The following ZNF773 variants were observed in gnomAD, a reference collection of about 807,000 sequenced individuals.
ZNF773 encodes the protein zinc finger protein 419B.
ZNF773 carries 11 observed loss-of-function variants against 12.8 expected under a neutral mutation model. That is an observed-to-expected ratio of 0.86 (90% CI 0.54 to 1.42). The LOEUF is 1.42. Ranked by LOEUF, ZNF773 falls within the 40% of genes most tolerant of loss-of-function variation. ZNF773 has a pLI of 0.00. For synonymous variants in ZNF773, 175 were observed against 178.4 expected (o/e 0.98, Z 0.15); for missense variants, 518 against 527.2 (o/e 0.98, Z 0.17).
chr19:57,511,376 T>A (rs1370845683), downstream of ZNF773, among the ~76,000 whole-genome samples: 1 of 152,110 alleles, frequency 6.6e-6, no homozygotes, highest in Non-Finnish European at 1.5e-5. Context: ...AAGAATAAAT[T>A]TGAAAACCTT....
intron 3 of ZNF773, among the ~76,000 whole-genome samples, chr19:57,505,771 C>T (rs2089724295): frequency 1.4e-5 from 2 of 141,804 alleles, no homozygotes; most frequent in Non-Finnish European, 3.0e-5. Context: ...AGGGCAGTGG[C>T]GTGATCTCGG....
At chr19:57,512,993 C>T, downstream of ZNF773, 1 of 1,530,616 alleles carries the variant, frequency 6.5e-7, no homozygotes, top group Non-Finnish European at 8.8e-7. Context: ...TTTTTGTCTT[C>T]ATTTCTGCAT....
At chr19:57,513,281 G>C (rs1434085500), downstream of ZNF773, 4 of 408,876 alleles carry the variant, frequency 9.8e-6, no homozygotes, top group Non-Finnish European at 1.6e-5. Context: ...CTGGTGCTCA[G>C]GTTAGTTCTC....
Position 57,505,386 on chromosome 19 carries a change from C to T in ZNF773, c.248C>T (p.Ser83Leu). The T allele has an allele frequency of 1.2e-6, 2 of 1,614,048 alleles. No homozygotes were observed. Among genetic ancestry groups the T allele is most frequent in the South Asian group, 2.2e-5 (2 of 91,080 alleles). Reference sequence around the variant, plus strand: ...ATGCCTGCTTGGGAAGTTGTGACTTCAGCCATACTGAGAGGTACTTGGTGG... The same window carrying T: ...ATGCCTGCTTGGGAAGTTGTGACTTTAGCCATACTGAGAGGTACTTGGTGG... ...PFMPAWEVVT[S>L]AILRGSWQGA... Residue 83 changes from serine to leucine, a missense_variant, in exon 3 of 4, where the codon TCA becomes TTA. Transcript: ENST00000282292.
In ZNF773 at chr19:57,506,810, A is replaced by G. The variant is rs770753728; in HGVS notation, c.715A>G (p.Ile239Val). The change falls in exon 4 of 4, where the codon ATA becomes GTA. Residue 239 changes from isoleucine to valine, a missense_variant. Ile to Val is a conservative substitution (Grantham distance 29). Transcript: ENST00000282292. ...TAAGTCCAACCTTTTTATACACCAA[A>G]TAGTTCACACTGGAGAAAGGCCTTA... ...SHKSNLFIHQIVHTGERPYGC... is the reference protein window; with the variant it reads ...SHKSNLFIHQVVHTGERPYGC... 1.2e-6 allele frequency: 2 copies of G among 1,614,248 alleles called. No individual in the cohort carries two copies. Among genetic ancestry groups the G allele is most frequent in the East Asian group, 2.2e-5 (1 of 44,886 alleles).
chr19:57,500,490 TGGGGTGG>T (rs1434243241), intron 1 of ZNF773, among the ~76,000 whole-genome samples: 27 of 145,286 alleles, frequency 1.9e-4, no homozygotes, highest in Admixed American at 1.9e-3. Context: ...CAAAACAGAC[TGGGGTGG>T]GGGTGAGGCG....
At chr19:57,510,831 T>C (rs2089788404), downstream of ZNF773, among the ~76,000 whole-genome samples, 1 of 152,028 alleles carries the variant, frequency 6.6e-6, no homozygotes, top group South Asian at 2.1e-4. Context: ...CTGAGAGACA[T>C]TAAGGAAGGC....
chr19:57,504,212 A>G (rs1410315001), intron 1 of ZNF773, among the ~76,000 whole-genome samples: 2 of 152,154 alleles, frequency 1.3e-5, no homozygotes, highest in Non-Finnish European at 2.9e-5. Context: ...TCTGGATGCC[A>G]TGTGTAGACT....
chr19:57,513,050 C>G (rs769577046), downstream of ZNF773: 2 of 1,556,936 alleles, frequency 1.3e-6, no homozygotes, highest in East Asian at 5.1e-5. Flanking sequence ...AAGTGGCGCC[C>G]GAACAGGGAC....
At chr19:57,506,267 G>A (rs756980) in intron 3 of ZNF773, 91 bp from the exon 4 acceptor site, 295,601 of 1,530,398 alleles carry the variant, frequency 0.19, 29,264 homozygotes, top group African/African-American at 0.25. Context: ...AGTCCCACAC[G>A]CTAATTACCA....
downstream of ZNF773, among the ~76,000 whole-genome samples, chr19:57,509,602 C>A (rs1209858533): frequency 2.6e-5 from 4 of 152,200 alleles, no homozygotes; most frequent in Non-Finnish European, 5.9e-5. Flanking sequence ...GCTATCCTGA[C>A]AAATCACCAC....
chr19:57,507,426 T>A lies in ZNF773; in HGVS notation c.*2T>A, dbSNP rs947563060. 1.9e-6 allele frequency: 3 copies of A among 1,580,636 alleles called. No individual in the cohort carries two copies. The highest frequency in any genetic ancestry group is 2.6e-6 in the Non-Finnish European group (3 of 1,165,996). On this transcript the variant is annotated 3_prime_UTR_variant, in exon 4 of 4. Transcript: ENST00000282292. ...ATTCACACTGGAGAAATACAATGAT[T>A]GTGAGAAATCCTTTAGCTGGTGTTT...
intron 1 of ZNF773, among the ~76,000 whole-genome samples, chr19:57,504,305 A>C (rs555615030): frequency 2.5e-3 from 383 of 152,290 alleles, no homozygotes; most frequent in African/African-American, 8.8e-3. Context: ...CATTCTAATG[A>C]GTGTAAACAG....
rs754088391 is a variant in ZNF773 at position 57,507,066 on chromosome 19, T to A, written c.971T>A (p.Val324Asp). ...TCCAGCCTCATGAAACATCAGAGAG[T>A]TCACACTGGAGAAAGACCTTATAAG... ...FNSSLMKHQR[V>D]HTGERPYKCS... Residue 324 changes from valine (V) to aspartate (D), a missense_variant, in exon 4 of 4, where the codon GTT (valine) becomes GAT (aspartate). Val to Asp is a radical substitution (Grantham distance 152, BLOSUM62 -3). Coordinates refer to ENST00000282292, the MANE Select transcript of ZNF773 (RefSeq NM_198542.3). 1 of 1,614,032 alleles carries A rather than the reference T, an allele frequency of 6.2e-7. No individual in the cohort carries two copies. The highest frequency in any genetic ancestry group is 1.1e-5 in the South Asian group (1 of 91,076).
In ZNF773 at chr19:57,506,543, A is replaced by C. The variant is rs748339812; in HGVS notation, c.448A>C (p.Arg150=). 12 of 1,614,084 alleles carry C rather than the reference A, an allele frequency of 7.4e-6. No homozygotes were observed. The highest frequency in any genetic ancestry group is 3.3e-5 in the Admixed American group (2 of 59,998). The part of the protein sequence containing the change: ...VHLSEKSLQS[R]EVGKDLLTSS... Reference sequence around the variant, plus strand: ...CCTATCAGAGAAGTCCTTGCAAAGCAGGGAAGTTGGGAAGGATCTTCTGAC... The same window carrying C: ...CCTATCAGAGAAGTCCTTGCAAAGCCGGGAAGTTGGGAAGGATCTTCTGAC... Residue 150 remains arginine, a synonymous_variant, in exon 4 of 4, where the codon AGG becomes CGG. Transcript: ENST00000282292.
intron 1 of ZNF773, among the ~76,000 whole-genome samples, chr19:57,500,889 G>T (rs574475183): frequency 6.6e-6 from 1 of 152,184 alleles, no homozygotes; most frequent in African/African-American, 2.4e-5. Flanking sequence ...TCCCTGAGGT[G>T]AGGGAAGGGA....
At chr19:57,504,506 TGAG>T (rs554071212) in intron 1 of ZNF773, 148 bp from the exon 2 acceptor site, 83 of 1,172,236 alleles carry the variant, frequency 7.1e-5, no homozygotes, top group East Asian at 1.6e-4. Context: ...AGTGGGAACA[TGAG>T]GAGAGAGTGG....
At position 57,499,953 on chromosome 19, in the gene ZNF773, C is replaced by T; in HGVS notation, c.-128C>T. ...GAAGCTGGTTGTTCGCTGCGGCGAC[C>T]AGCTCCGGAAAGCGCGGTGGGGACG... On this transcript the variant is annotated 5_prime_UTR_variant, in exon 1 of 4. Transcript: ENST00000282292. The T allele has an allele frequency of 4.7e-6, 6 of 1,283,410 alleles. No homozygotes were observed. Among genetic ancestry groups the T allele is most frequent in the South Asian group, 4.5e-5 (3 of 67,066 alleles). The allele number at this position is 1,283,410 out of a possible 1,614,324, so 79.5% of individuals were successfully genotyped here. A position where few individuals can be genotyped will look rare whatever the true frequency, so the allele number is the denominator to read the frequency against.
At chr19:57,501,153 A>G (rs1463081617) in intron 1 of ZNF773, among the ~76,000 whole-genome samples, 2 of 152,196 alleles carry the variant, frequency 1.3e-5, no homozygotes, top group Non-Finnish European at 2.9e-5. Flanking sequence ...TTCCCTAGCT[A>G]TCAGCACAGG....
Sources: gnomAD v4.1 joint callset for allele counts (sites outside exome capture counted in the v4.1 genomes callset) on GRCh38, gnomAD v4.1.1 for gene constraint, MANE v1.5 for transcripts, NCBI Gene and HGNC (gene_info 2026-07-23, HGNC 2026-07-21) for gene names.